LUC7L2: variants seen among roughly 807,000 people sequenced by gnomAD.
LUC7L2 encodes the protein putative RNA-binding protein Luc7-like 2.
A neutral mutation model predicts 52.8 loss-of-function variants in LUC7L2; 25 were observed. The observed-to-expected ratio is 0.47, with a 90% CI of 0.34 to 0.66. The LOEUF is 0.66. Ranked by LOEUF, LUC7L2 falls within the 30% of genes least tolerant of loss-of-function variation. The pLI, the probability that LUC7L2 is intolerant of heterozygous loss-of-function variation, is 0.01. For missense variants in LUC7L2, 328 were observed against 497.8 expected (o/e 0.66, Z 3.25); for synonymous variants, 144 against 160.9 (o/e 0.89, Z 0.80).
chr7:139,396,861 A>G (rs1440250653), intron 2 of LUC7L2, among the ~76,000 whole-genome samples: 2 of 152,210 alleles, frequency 1.3e-5, no homozygotes, highest in Non-Finnish European at 2.9e-5. Flanking sequence ...TTCTCTGCTC[A>G]TACCTACTTA....
At chr7:139,418,454 T>C (rs1312567565) in intron 9 of LUC7L2, among the ~76,000 whole-genome samples, 3 of 152,250 alleles carry the variant, frequency 2.0e-5, no homozygotes, top group Non-Finnish European at 4.4e-5. Flanking sequence ...TAAGCCATGT[T>C]TAAAATTGCT....
Position 139,422,576 on chromosome 7 carries a change from A to G in LUC7L2, c.*236A>G, listed in dbSNP as rs1209407834. 4 of 803,320 alleles carry G rather than the reference A, an allele frequency of 5.0e-6. No homozygotes were observed. The African/African-American group carries it at 5.4e-5, about 11-fold the overall frequency. The allele number at this position is 803,320 out of a possible 1,614,324, so 49.8% of individuals were successfully genotyped here. On this transcript the variant is annotated 3_prime_UTR_variant, in exon 10 of 10. Coordinates refer to ENST00000354926, the MANE Select transcript of LUC7L2 (RefSeq NM_016019.5). ...TTCTGAAAGTACAGTTTTATATAAT[A>G]AGATGCTGATCTCTTTATTCTTTCA...
At position 139,409,566 on chromosome 7, in the gene LUC7L2, G is replaced by A; in HGVS notation, c.691G>A (p.Val231Ile). Residue 231 changes from valine to isoleucine, a missense_variant, in exon 7 of 10, where the codon GTC (valine) becomes ATC (isoleucine). Coordinates refer to ENST00000354926, the MANE Select transcript of LUC7L2 (RefSeq NM_016019.5). The stretch of plus-strand genomic sequence containing the variant: ...CTCATTTATTACTGTTTTTAAGAGA[G>A]TCGTAGCTGAGAAGCAGGAGAAAAG... ...IREKLEELKR[V>I]VAEKQEKRNQ... 1 of 1,607,826 alleles carries A rather than the reference G, an allele frequency of 6.2e-7. No individual in the cohort carries two copies. The highest frequency in any genetic ancestry group is 8.5e-7 in the Non-Finnish European group (1 of 1,176,722).
chr7:139,366,994 T>G (rs1477829126), intron 1 of LUC7L2, among the ~76,000 whole-genome samples: 1 of 152,152 alleles, frequency 6.6e-6, no homozygotes, highest in Non-Finnish European at 1.5e-5. Flanking sequence ...TTTTTTATTT[T>G]TTGGAGACAG....
At chr7:139,397,254 C>T (rs770708237) in intron 2 of LUC7L2, among the ~76,000 whole-genome samples, 3 of 152,200 alleles carry the variant, frequency 2.0e-5, no homozygotes, top group Non-Finnish European at 2.9e-5. Flanking sequence ...TCCTAAGATT[C>T]ATTTGCTTCT....
intron 1 of LUC7L2, among the ~76,000 whole-genome samples, chr7:139,348,171 T>C (rs1174528037): frequency 6.6e-6 from 1 of 150,558 alleles, no homozygotes; most frequent in Non-Finnish European, 1.5e-5. Flanking sequence ...CATTATAATA[T>C]ACAATATTAT....
At chr7:139,362,595 TAGG>T (rs1035577554) in intron 1 of LUC7L2, among the ~76,000 whole-genome samples, 3 of 149,604 alleles carry the variant, frequency 2.0e-5, no homozygotes, top group African/African-American at 7.4e-5. Context: ...AAAAGGTAGG[TAGG>T]AGGGTATTTA....
intron 7 of LUC7L2, among the ~76,000 whole-genome samples, chr7:139,411,366 A>C (rs541204506): frequency 6.6e-6 from 1 of 152,188 alleles, no homozygotes; most frequent in African/African-American, 2.4e-5. Flanking sequence ...AAAAAATCAT[A>C]ATCATTTACT....
chr7:139,363,396 C>T (rs1799979835), intron 1 of LUC7L2: 1 of 256,944 alleles, frequency 3.9e-6, no homozygotes, highest in Non-Finnish European at 6.1e-6. Context: ...GAGCACTGGG[C>T]TGAGACTCAG....
chr7:139,355,900 A>G (rs903866148), upstream of LUC7L2, among the ~76,000 whole-genome samples: 1 of 152,274 alleles, frequency 6.6e-6, no homozygotes, highest in Non-Finnish European at 1.5e-5. Context: ...CTCATTGTTC[A>G]ATGAGTCCAT....
Position 139,417,566 on chromosome 7 carries a change from C to A in LUC7L2, c.838C>A (p.Arg280=). Residue 280 remains arginine (R), a synonymous_variant, in exon 9 of 10, where the codon CGA becomes AGA. Transcript: ENST00000354926. The part of the protein sequence containing the change: ...RSRSREHRRH[R]SRSMSRERKR... ...CAGGTCCAGAGAGCATCGCAGACATCGATCTCGCTCCATGTCACGTGAACG... is the reference window on the plus strand; with the variant it reads ...CAGGTCCAGAGAGCATCGCAGACATAGATCTCGCTCCATGTCACGTGAACG... 6.2e-7 allele frequency: 1 copy of A among 1,614,082 alleles called. No homozygotes were observed.
chr7:139,377,825 C>CTTT lies in LUC7L2; in HGVS notation c.156+1689_156+1691dup, dbSNP rs11346680. On this transcript the variant is annotated intron_variant, in intron 2 of 9. Transcript: ENST00000354926. ...TACAGGCATGAGCTACCGCGCCTGG[C>CTTT]TTTTTTTTTTTTTTTTTTTTTTGAG... Among the ~76,000 whole-genome samples, 43 of 98,296 alleles carry CTTT rather than the reference C, an allele frequency of 4.4e-4. 1 individual carries two copies. The highest frequency in any genetic ancestry group is 6.9e-4 in the African/African-American group (14 of 20,238). The allele number at this position is 98,296 out of a possible 152,430, so 64.5% of individuals were successfully genotyped here. A position where few individuals can be genotyped will look rare whatever the true frequency, so the allele number is the denominator to read the frequency against.
At chr7:139,381,359 A>T (rs1801007646) in intron 2 of LUC7L2, among the ~76,000 whole-genome samples, 1 of 92,530 alleles carries the variant, frequency 1.1e-5, no homozygotes, top group South Asian at 3.2e-4. Context: ...TACATATTTT[A>T]TTTTATTTTA....
chr7:139,386,437 C>G (rs1794198287), intron 2 of LUC7L2, among the ~76,000 whole-genome samples: 1 of 136,592 alleles, frequency 7.3e-6, no homozygotes, highest in Non-Finnish European at 1.5e-5. Context: ...TGGAGTCTCA[C>G]TCTGTCGTCC....
intron 2 of LUC7L2, among the ~76,000 whole-genome samples, chr7:139,379,309 C>T (rs538915189): frequency 1.1e-3 from 169 of 151,164 alleles, no homozygotes; most frequent in Non-Finnish European, 1.9e-3. Flanking sequence ...CAAAGGTAGC[C>T]GGGACAACAT....
chr7:139,377,816 C>T (rs553036047), intron 2 of LUC7L2, among the ~76,000 whole-genome samples: 122 of 148,792 alleles, frequency 8.2e-4, no homozygotes, highest in South Asian at 1.3e-3. Flanking sequence ...CATGAGCTAC[C>T]GCGCCTGGCT....
At chr7:139,343,739 A>G (rs527797957) in intron 1 of LUC7L2, among the ~76,000 whole-genome samples, 1 of 152,236 alleles carries the variant, frequency 6.6e-6, no homozygotes, top group East Asian at 1.9e-4. Context: ...GTTCACGACC[A>G]GCCTGGGCAA....
intron 1 of LUC7L2, among the ~76,000 whole-genome samples, chr7:139,369,337 CTTAATG>C (rs905771472): frequency 7.2e-5 from 11 of 152,106 alleles, no homozygotes; most frequent in Admixed American, 3.3e-4. Context: ...TATTTTAGGA[CTTAATG>C]TTAAAGTAAC....
chr7:139,341,876 T>C (rs1798998378), intron 1 of LUC7L2, among the ~76,000 whole-genome samples: 1 of 151,804 alleles, frequency 6.6e-6, no homozygotes, highest in African/African-American at 2.4e-5. Context: ...GAAGATGGAG[T>C]TGAAGGGTGT....
Sources: gnomAD v4.1 joint callset for allele counts (sites outside exome capture counted in the v4.1 genomes callset) on GRCh38, gnomAD v4.1.1 for gene constraint, MANE v1.5 for transcripts, NCBI Gene and HGNC (gene_info 2026-07-23, HGNC 2026-07-21) for gene names.